The following ADGRL3 variants were observed in gnomAD, a reference collection of about 807,000 sequenced individuals.
The protein encoded by ADGRL3 is calcium-independent alpha-latrotoxin receptor 3.
In ADGRL3, 62 loss-of-function variants were observed where a neutral mutation model predicts 153.5. That is an observed-to-expected ratio of 0.40 (90% CI 0.33 to 0.50). ADGRL3 has a LOEUF of 0.50. Among genes scored for constraint, ADGRL3 ranks in the 20% least tolerant of loss-of-function variants. The pLI, the probability that ADGRL3 is intolerant of heterozygous loss-of-function variation, is 0.47. For synonymous variants in ADGRL3, 710 were observed against 672.5 expected (o/e 1.06, Z -0.86); for missense variants, 1,641 against 1,859.4 (o/e 0.88, Z 2.16).
At position 61,587,332 on chromosome 4, in the gene ADGRL3, A is replaced by G. The variant is rs772022763; in HGVS notation, c.365A>G (p.Glu122Gly). 4 of 1,612,246 alleles carry G rather than the reference A, an allele frequency of 2.5e-6. No individual in the cohort carries two copies. The East Asian group carries it at 8.9e-5, about 36-fold the overall frequency. ...CCAGGAACAGACGTCATCATGATAG[A>G]AAGTGCCAACTATGGCAGGACTGAT... is the stretch of plus-strand genomic sequence containing the variant. Reference protein sequence around the residue: ...RCPGTDVIMIESANYGRTDDK... With the variant: ...RCPGTDVIMIGSANYGRTDDK... The change falls in exon 5 of 27, where the codon GAA becomes GGA. Residue 122 changes from glutamate to glycine, a missense_variant. Glu to Gly is a moderately conservative substitution (Grantham distance 98). Transcript: ENST00000683033.
chr4:61,424,426 A>G (rs991364506), intron 2 of ADGRL3, among the ~76,000 whole-genome samples: 1 of 151,634 alleles, frequency 6.6e-6, no homozygotes, highest in Non-Finnish European at 1.5e-5. Flanking sequence ...CACAGCAGTA[A>G]TACAAGAAGC....
At chr4:61,936,159 C>T (rs1189875811) in intron 15 of ADGRL3, 114 bp downstream of exon 15, 10 of 1,114,280 alleles carry the variant, frequency 9.0e-6, no homozygotes, top group Non-Finnish European at 1.2e-5. Flanking sequence ...CTTCCTCTTC[C>T]TACACTATTC....
chr4:61,457,851 CAGATAGATAGATAGAT>C (rs149992520), intron 2 of ADGRL3, among the ~76,000 whole-genome samples: 2 of 146,166 alleles, frequency 1.4e-5, no homozygotes, highest in East Asian at 2.0e-4. Context: ...TCACAGATGA[CAGATAGATAGATAGAT>C]AGATAGATAG....
rs775517528 is a variant in ADGRL3, at chr4:61,587,248, C to T, written c.281C>T (p.Pro94Leu). 8.1e-6 allele frequency: 13 copies of T among 1,607,808 alleles called. No individual in the cohort carries two copies. Among genetic ancestry groups the T allele is most frequent in the Non-Finnish European group, 1.1e-5 (13 of 1,176,780 alleles). ...AAQAFSRAPI[P>L]MAVVRRELSC... Reference sequence around the variant, plus strand: ...GCAGCTTTCAGCCGTGCCCCAATTCCAATGGCTGTGGTCCGCAGAGAGCTA... The same window carrying T: ...GCAGCTTTCAGCCGTGCCCCAATTCTAATGGCTGTGGTCCGCAGAGAGCTA... The change falls in exon 5 of 27, where the codon CCA (proline) becomes CTA (leucine). Residue 94 changes from proline to leucine, a missense_variant. Physicochemically the swap from Pro to Leu is moderately conservative, Grantham distance 98. Transcript: ENST00000683033.
At chr4:62,032,768 T>C (rs936865129) in intron 23 of ADGRL3, among the ~76,000 whole-genome samples, 1 of 151,564 alleles carries the variant, frequency 6.6e-6, no homozygotes, top group Non-Finnish European at 1.5e-5. Context: ...AAGAAAACAC[T>C]ACTCTTTTTT....
chr4:62,006,976 A>C (rs1018283630), intron 21 of ADGRL3, among the ~76,000 whole-genome samples: 27 of 152,066 alleles, frequency 1.8e-4, no homozygotes, highest in African/African-American at 6.5e-4. Flanking sequence ...AGTTGGTTCA[A>C]AAGCTCAATA....
chr4:61,918,664 G>A (rs1313205413), intron 13 of ADGRL3, among the ~76,000 whole-genome samples: 1 of 152,212 alleles, frequency 6.6e-6, no homozygotes, highest in Non-Finnish European at 1.5e-5. Flanking sequence ...TTATTGCAGA[G>A]AGGATGAAAT....
intron 5 of ADGRL3, among the ~76,000 whole-genome samples, chr4:61,645,452 C>G (rs1450462494): frequency 6.6e-6 from 1 of 151,004 alleles, no homozygotes; most frequent in Non-Finnish European, 1.5e-5. Context: ...TTTAGCGCTT[C>G]CTTCAGGAGC....
At chr4:61,247,870 T>A (rs1757711519) in intron 1 of ADGRL3, among the ~76,000 whole-genome samples, 1 of 152,172 alleles carries the variant, frequency 6.6e-6, no homozygotes. Context: ...TAACGATACT[T>A]TATAGTAACC....
chr4:62,042,128 A>G (rs775099940), intron 24 of ADGRL3, among the ~76,000 whole-genome samples: 9 of 152,224 alleles, frequency 5.9e-5, no homozygotes, highest in South Asian at 2.1e-4. Context: ...TATATAATAT[A>G]CATACACTAT....
chr4:61,909,937 A>C (rs555448514), intron 12 of ADGRL3, among the ~76,000 whole-genome samples, 192 bp downstream of exon 12: 1 of 152,288 alleles, frequency 6.6e-6, no homozygotes, highest in East Asian at 1.9e-4. Flanking sequence ...GTGGTTCTTA[A>C]TCTAAAGAAA....
At position 61,602,614 on chromosome 4, in the gene ADGRL3, A is replaced by C. The variant is rs193291093; in HGVS notation, c.473+15174A>C. Reference sequence around the variant, plus strand: ...CACCCTTTGAGCTAAGATTAGTTTCAATCCCATGTGAAGCACATATTAAAA... The same window carrying C: ...CACCCTTTGAGCTAAGATTAGTTTCCATCCCATGTGAAGCACATATTAAAA... On this transcript the variant is annotated intron_variant, in intron 5 of 26. Coordinates refer to ENST00000683033, the MANE Select transcript of ADGRL3 (RefSeq NM_001387552.1). 1.7e-3 allele frequency among the ~76,000 whole-genome samples: 258 copies of C among 152,268 alleles called. 2 individuals carry two copies. Among genetic ancestry groups the C allele is most frequent in the African/African-American group, 5.7e-3 (239 of 41,566 alleles).
chr4:61,707,168 G>A (rs768851396), intron 6 of ADGRL3, among the ~76,000 whole-genome samples: 2 of 152,120 alleles, frequency 1.3e-5, no homozygotes, highest in Non-Finnish European at 2.9e-5. Context: ...TATAGGCATG[G>A]TTCGTGGTCC....
chr4:61,235,142 G>A (rs924940), intron 1 of ADGRL3, among the ~76,000 whole-genome samples: 21,161 of 152,092 alleles, frequency 0.14, 1,969 homozygotes, highest in East Asian at 0.41. Context: ...CTAGTAGAGC[G>A]ATGAGTAGAT....
intron 1 of ADGRL3, among the ~76,000 whole-genome samples, chr4:61,270,157 A>G (rs185058195): frequency 6.6e-6 from 1 of 151,810 alleles, no homozygotes; most frequent in East Asian, 1.9e-4. Flanking sequence ...CCTGTGGGAC[A>G]TGCAAAAAGG....
chr4:61,638,579 C>G (rs1248346244), intron 5 of ADGRL3, among the ~76,000 whole-genome samples: 4 of 152,080 alleles, frequency 2.6e-5, no homozygotes, highest in Non-Finnish European at 4.4e-5. Context: ...CTTTACTAAC[C>G]ACTGTACACC....
At chr4:61,950,680 A>G (rs2150345171) in intron 17 of ADGRL3, among the ~76,000 whole-genome samples, 1 of 152,326 alleles carries the variant, frequency 6.6e-6, no homozygotes, top group South Asian at 2.1e-4. Flanking sequence ...GAGATTTCAT[A>G]AAAAGAAGAA....
At chr4:61,523,058 CGTGT>C (rs3075120) in intron 4 of ADGRL3, among the ~76,000 whole-genome samples, 13 of 150,558 alleles carry the variant, frequency 8.6e-5, no homozygotes, top group South Asian at 8.4e-4. Context: ...GAAAATTGTG[CGTGT>C]GTGTGTGTGT....
rs185354017 is a variant in ADGRL3, at chr4:61,424,755, T to C, written c.-174+41566T>C. Among the ~76,000 whole-genome samples the C allele has an allele frequency of 3.3e-5, 5 of 152,264 alleles. No homozygotes were observed. In the East Asian group the frequency reaches 5.8e-4, roughly 18 times the overall value. On this transcript the variant is annotated intron_variant, in intron 2 of 26. Transcript: ENST00000683033. ...CATTGGTTAACAGGAGGAGGGTGAC[T>C]TGGGTGTAATTCAGGGGCCAAGCTG... is the stretch of plus-strand genomic sequence containing the variant.
Sources: gnomAD v4.1 joint callset for allele counts (sites outside exome capture counted in the v4.1 genomes callset) on GRCh38, gnomAD v4.1.1 for gene constraint, MANE v1.5 for transcripts, NCBI Gene and HGNC (gene_info 2026-07-23, HGNC 2026-07-21) for gene names.